Variants in PRR5L observed in about 807,000 individuals in gnomAD.
The protein encoded by PRR5L is proline rich 5 like.
In PRR5L, 21 loss-of-function variants were observed where a neutral mutation model predicts 36.4. The ratio of observed to expected loss-of-function variants is 0.58; its 90% confidence interval spans 0.41 to 0.83. The LOEUF (loss-of-function observed/expected upper bound fraction) is 0.83. Ranked by LOEUF, PRR5L falls within the 40% of genes least tolerant of loss-of-function variation. The pLI is 0.00. For missense variants in PRR5L, 381 were observed against 473.3 expected, an observed-to-expected ratio of 0.80 and a Z score of 1.81; for synonymous variants, 188 against 197.0, an observed-to-expected ratio of 0.95 and a Z score of 0.38.
At chr11:36,431,366 C>T (rs896104669) in intron 4 of PRR5L, among the ~76,000 whole-genome samples, 2 of 152,182 alleles carry the variant, frequency 1.3e-5, no homozygotes, top group Admixed American at 6.5e-5. Flanking sequence ...ATTTCCCATG[C>T]ACACATTCAT....
intron 4 of PRR5L, among the ~76,000 whole-genome samples, chr11:36,430,382 A>G (rs1858469161): frequency 6.6e-6 from 1 of 152,232 alleles, no homozygotes; most frequent in Non-Finnish European, 1.5e-5. Context: ...ACTGCACTCC[A>G]GCCTGGGTGA....
chr11:36,409,911 C>T (rs971501188), intron 3 of PRR5L, among the ~76,000 whole-genome samples: 5 of 152,202 alleles, frequency 3.3e-5, no homozygotes, highest in Admixed American at 2.0e-4. Flanking sequence ...CTCCCACATG[C>T]TTAAACCCTT....
At chr11:36,397,941 A>G (rs1312893113) in intron 1 of PRR5L, among the ~76,000 whole-genome samples, 1 of 151,674 alleles carries the variant, frequency 6.6e-6, no homozygotes, top group Non-Finnish European at 1.5e-5. Context: ...GATTAAAGGC[A>G]TGCGCCCCCA....
intron 6 of PRR5L, among the ~76,000 whole-genome samples, chr11:36,438,921 C>A (rs1858662333): frequency 6.6e-6 from 1 of 152,078 alleles, no homozygotes; most frequent in Admixed American, 6.6e-5. Context: ...GGTGACAGAG[C>A]AAAACCCTGT....
chr11:36,413,379 T>C (rs1436939080), intron 3 of PRR5L, among the ~76,000 whole-genome samples: 1 of 152,208 alleles, frequency 6.6e-6, no homozygotes, highest in African/African-American at 2.4e-5. Flanking sequence ...GGTAGGGACT[T>C]ACTCCTGCGA....
At chr11:36,394,710 C>G (rs1331682734) in intron 1 of PRR5L, among the ~76,000 whole-genome samples, 1 of 152,208 alleles carries the variant, frequency 6.6e-6, no homozygotes, top group Non-Finnish European at 1.5e-5. Context: ...TCTGCATCCC[C>G]TTTATAAGGA....
At chr11:36,307,818 A>G (rs1233283673) in intron 1 of PRR5L, among the ~76,000 whole-genome samples, 1 of 152,336 alleles carries the variant, frequency 6.6e-6, no homozygotes, top group East Asian at 1.9e-4. Flanking sequence ...ATGTTGAAAA[A>G]ATAAAAGTAC....
intron 1 of PRR5L, among the ~76,000 whole-genome samples, chr11:36,322,404 TACA>T (rs1237041587): frequency 6.6e-6 from 1 of 152,198 alleles, no homozygotes; most frequent in Admixed American, 6.5e-5. Context: ...TTATAATATA[TACA>T]ACACCAGAAA....
intron 1 of PRR5L, among the ~76,000 whole-genome samples, chr11:36,378,645 TGG>T (rs1275379846): frequency 1.3e-5 from 2 of 152,230 alleles, no homozygotes; most frequent in Non-Finnish European, 1.5e-5. Flanking sequence ...TTTATTTCTG[TGG>T]GTGAAATTTC....
chr11:36,405,613 C>T (rs893872928), intron 3 of PRR5L, among the ~76,000 whole-genome samples: 3 of 152,188 alleles, frequency 2.0e-5, no homozygotes, highest in African/African-American at 4.8e-5. Context: ...AAAAGTCACA[C>T]AGCAATGAGC....
chr11:36,409,235 C>T (rs566672887), intron 3 of PRR5L, among the ~76,000 whole-genome samples: 1 of 152,196 alleles, frequency 6.6e-6, no homozygotes, highest in African/African-American at 2.4e-5. Flanking sequence ...TGCCCTCCTG[C>T]CTCCTCAAAC....
chr11:36,336,529 C>CTT (rs36024089), intron 1 of PRR5L, among the ~76,000 whole-genome samples: 18 of 104,250 alleles, frequency 1.7e-4, no homozygotes, highest in African/African-American at 4.2e-4. Context: ...CGCGCCTGGC[C>CTT]TTTTTTTTTT....
At chr11:36,376,065 A>T in intron 1 of PRR5L, 1 of 955,266 alleles carries the variant, frequency 1.0e-6, no homozygotes, top group Non-Finnish European at 1.5e-6. Flanking sequence ...AGAGAAACGC[A>T]AGCACGGAGC....
chr11:36,446,407 C>T lies in PRR5L; in HGVS notation c.552C>T (p.Pro184=), dbSNP rs1466643537. ...DLLLLAQSKL[P]SSIVQMLLIL... is the part of the protein sequence containing the mutation. ...TGCTGCTGGCCCAGTCCAAGCTGCC[C>T]TCGTCCATTGTCCAGATGTTGCTCA... is the stretch of plus-strand genomic sequence containing the variant. Residue 184 remains proline, a synonymous_variant, in exon 7 of 9, where the codon CCC becomes CCT. Transcript: ENST00000530639. 1.9e-6 allele frequency: 3 copies of T among 1,614,028 alleles called. No homozygotes were observed. Among genetic ancestry groups the T allele is most frequent in the Admixed American group, 1.7e-5 (1 of 60,010 alleles).
chr11:36,429,827 C>T (rs1404337814), intron 4 of PRR5L, among the ~76,000 whole-genome samples: 2 of 152,160 alleles, frequency 1.3e-5, no homozygotes, highest in African/African-American at 4.8e-5. Flanking sequence ...GAGTGGTTGC[C>T]ATCTGAACAC....
intron 8 of PRR5L, among the ~76,000 whole-genome samples, chr11:36,453,390 A>G (rs551299584): frequency 2.2e-4 from 33 of 152,328 alleles, no homozygotes; most frequent in Non-Finnish European, 3.2e-4. Context: ...ACTCACTCTA[A>G]GAGGGGATAG....
chr11:36,445,681 G>A (rs510479), intron 6 of PRR5L, among the ~76,000 whole-genome samples: 3,610 of 152,262 alleles, frequency 0.024, 136 homozygotes, highest in African/African-American at 0.081. Context: ...TCAAAGGGTG[G>A]TTGTGGGGAT....
chr11:36,430,924 A>C (rs559311575), intron 4 of PRR5L, among the ~76,000 whole-genome samples: 82 of 152,322 alleles, frequency 5.4e-4, no homozygotes, highest in African/African-American at 1.7e-3. Context: ...AAGGCTAAAG[A>C]ATGCATTAGG....
intron 1 of PRR5L, among the ~76,000 whole-genome samples, chr11:36,357,538 G>A (rs1237914623): frequency 6.6e-6 from 1 of 152,182 alleles, no homozygotes; most frequent in Non-Finnish European, 1.5e-5. Flanking sequence ...GTGACTTTAA[G>A]TTGAAGTCAG....
Sources: allele counts gnomAD v4.1 joint callset (sites outside exome capture counted in the v4.1 genomes callset), GRCh38; gene constraint gnomAD v4.1.1; transcripts MANE v1.5; gene names NCBI Gene and HGNC (gene_info 2026-07-23, HGNC 2026-07-21).